Variants in PRRC1 observed in about 807,000 individuals in gnomAD.
PRRC1 encodes proline rich coiled-coil 1, also known as protein PRRC1.
Under a neutral mutation model 40.7 loss-of-function variants are expected in PRRC1, and 39 were observed. The observed-to-expected ratio is 0.96, with a 90% CI of 0.74 to 1.25. The LOEUF (loss-of-function observed/expected upper bound fraction) is 1.25. Ranked by LOEUF, PRRC1 falls within the 50% of genes most tolerant of loss-of-function variation. The pLI, the probability that PRRC1 is intolerant of heterozygous loss-of-function variation, is 0.00. For missense variants in PRRC1, 573 were observed against 548.3 expected, an observed-to-expected ratio of 1.05 and a Z score of -0.45; for synonymous variants, 175 against 193.3, an observed-to-expected ratio of 0.91 and a Z score of 0.79.
intron 7 of PRRC1, among the ~76,000 whole-genome samples, chr5:127,546,533 T>C (rs1289697176): frequency 6.6e-6 from 1 of 152,198 alleles, no homozygotes; most frequent in Non-Finnish European, 1.5e-5. Flanking sequence ...TCCTTTCCTC[T>C]ATAATAATAT....
chr5:127,529,604 T>A (rs1767711452), intron 4 of PRRC1, among the ~76,000 whole-genome samples: 1 of 152,146 alleles, frequency 6.6e-6, no homozygotes, highest in Non-Finnish European at 1.5e-5. Context: ...TCAGATGCCA[T>A]CTCAGGAGGC....
Position 127,554,074 on chromosome 5 carries a change from T to G in PRRC1, c.*2158T>G. 3.2e-6 allele frequency: 2 copies of G among 625,626 alleles called. No individual in the cohort carries two copies. Among genetic ancestry groups the G allele is most frequent in the Non-Finnish European group, 5.1e-6 (2 of 388,374 alleles). 38.8% of individuals were successfully genotyped at this position (625,626 alleles called of 1,614,324 possible). A position where few individuals can be genotyped will look rare whatever the true frequency, so the allele number is the denominator to read the frequency against. ...TTTTGTTTATTTTGTTGTCCTTAGA[T>G]TTCCCTGTTGTAAAAGGGGCAAGAA... On this transcript the variant is annotated 3_prime_UTR_variant, in exon 9 of 9. Coordinates refer to ENST00000296666, the MANE Select transcript of PRRC1 (RefSeq NM_130809.5).
chr5:127,538,013 T>G (rs1767941949), intron 6 of PRRC1, among the ~76,000 whole-genome samples: 3 of 151,984 alleles, frequency 2.0e-5, no homozygotes, highest in Admixed American at 2.0e-4. Context: ...GGTAAGTTCT[T>G]ATTGAACACC....
chr5:127,538,374 G>A (rs1195865835), intron 6 of PRRC1, among the ~76,000 whole-genome samples: 2 of 151,934 alleles, frequency 1.3e-5, no homozygotes, highest in African/African-American at 4.8e-5. Flanking sequence ...TCATCACATT[G>A]TTCATGGTCA....
At chr5:127,526,447 T>G (rs1004981554) in intron 3 of PRRC1, among the ~76,000 whole-genome samples, 171 bp from the exon 4 acceptor site, 2 of 152,242 alleles carry the variant, frequency 1.3e-5, no homozygotes, top group African/African-American at 2.4e-5. Flanking sequence ...ATAAATTTCT[T>G]TTGAAATTCT....
chr5:127,545,334 A>T (rs1246837601), intron 7 of PRRC1, among the ~76,000 whole-genome samples: 1 of 152,100 alleles, frequency 6.6e-6, no homozygotes, highest in Non-Finnish European at 1.5e-5. Context: ...AGACACATGC[A>T]CACATATGTT....
chr5:127,528,927 C>T (rs1426967118), intron 4 of PRRC1, among the ~76,000 whole-genome samples: 2 of 152,064 alleles, frequency 1.3e-5, no homozygotes, highest in Non-Finnish European at 1.5e-5. Context: ...CTGCTGTTTC[C>T]CTGTTCTTGT....
chr5:127,547,803 C>G lies in PRRC1; in HGVS notation c.1026-16C>G. ...TTTGGCATATAAACCATTTGAAACT[C>G]GTAATTCTGTTGCAGATGGTTTGAC... is the stretch of plus-strand genomic sequence containing the variant. On this transcript the variant is annotated splice_polypyrimidine_tract_variant and intron_variant, in intron 7 of 8. Coordinates refer to ENST00000296666, the MANE Select transcript of PRRC1 (RefSeq NM_130809.5). The G allele has an allele frequency of 1.9e-6, 3 of 1,580,940 alleles. No homozygotes were observed. The highest frequency in any genetic ancestry group is 2.6e-6 in the Non-Finnish European group (3 of 1,152,550).
chr5:127,518,681 T>A (rs1580924061), intron 1 of PRRC1, among the ~76,000 whole-genome samples: 1 of 152,290 alleles, frequency 6.6e-6, no homozygotes, highest in East Asian at 1.9e-4. Flanking sequence ...CTTTAAAGTT[T>A]ATCAGAGCTT....
intron 4 of PRRC1, among the ~76,000 whole-genome samples, chr5:127,529,491 A>G (rs1469354724): frequency 6.6e-6 from 1 of 152,148 alleles, no homozygotes; most frequent in Non-Finnish European, 1.5e-5. Context: ...GTTTCAGCAT[A>G]TGGTTGGTTG....
Position 127,524,812 on chromosome 5 carries a change from C to G in PRRC1, c.385C>G (p.Pro129Ala). The G allele has an allele frequency of 6.2e-7, 1 of 1,614,154 alleles. No individual in the cohort carries two copies. ...TLLPAPPSGP[P>A]ISGFSVGSTY... is the part of the protein sequence containing the mutation. ...TTTACCTGCACCCCCTTCGGGTCCT[C>G]CTATATCAGGATTTTCTGTTGGTTC... The change falls in exon 3 of 9, where the codon CCT (proline) becomes GCT (alanine). Residue 129 changes from proline (P) to alanine (A), a missense_variant. Transcript: ENST00000296666.
chr5:127,550,133 C>T (rs452097), intron 8 of PRRC1: 48,370 of 151,608 alleles, frequency 0.32, 7,987 homozygotes, highest in East Asian at 0.55. Context: ...AAAGATAACA[C>T]AGCAAACTGT....
In PRRC1 at chr5:127,533,998, GGAAA is replaced by G. The variant is rs1019775563; in HGVS notation, c.921+217_921+220del. The G allele has an allele frequency of 1.7e-4, 108 of 618,268 alleles. 1 individual carries two copies. The East Asian group carries it at 1.8e-3, about 10-fold the overall frequency. 38.3% of individuals were successfully genotyped at this position (618,268 alleles called of 1,614,324 possible). A position where few individuals can be genotyped will look rare whatever the true frequency, so the allele number is the denominator to read the frequency against. On this transcript the variant is annotated intron_variant, in intron 6 of 8. Transcript: ENST00000296666. ...AGATAGGTTTTGATTATTGTGGGAG[GGAAA>G]GAAACATTGAGAGAGCACAAAAGGA...
chr5:127,537,488 AAAG>A (rs915933452), intron 6 of PRRC1, among the ~76,000 whole-genome samples: 8 of 151,916 alleles, frequency 5.3e-5, no homozygotes, highest in African/African-American at 1.9e-4. Flanking sequence ...TATAAACAAA[AAAG>A]AAATTTGTCT....
intron 7 of PRRC1, among the ~76,000 whole-genome samples, chr5:127,543,982 T>C (rs1312075218): frequency 7.0e-5 from 5 of 70,978 alleles, no homozygotes; most frequent in Non-Finnish European, 1.5e-4. Flanking sequence ...TTCTGCTCTG[T>C]TTTTTCCCCA....
chr5:127,525,581 T>C (rs890170722), intron 3 of PRRC1, among the ~76,000 whole-genome samples: 2 of 152,188 alleles, frequency 1.3e-5, no homozygotes, highest in Non-Finnish European at 2.9e-5. Context: ...CACCAAACTG[T>C]TTTCTAAAGC....
At chr5:127,549,587 C>T (rs1207538914) in intron 8 of PRRC1, 1 of 152,306 alleles carries the variant, frequency 6.6e-6, no homozygotes, top group East Asian at 1.9e-4. Flanking sequence ...AAGCAAACTT[C>T]AGATCTAATA....
intron 2 of PRRC1, 106 bp from the exon 3 acceptor site, chr5:127,524,425 C>A: frequency 9.6e-7 from 1 of 1,045,986 alleles, no homozygotes; most frequent in Non-Finnish European, 1.4e-6. Flanking sequence ...TTGGGATATG[C>A]TTTGGTAAGT....
chr5:127,518,696 C>T (rs945609688), intron 1 of PRRC1, among the ~76,000 whole-genome samples: 2 of 151,332 alleles, frequency 1.3e-5, no homozygotes, highest in Non-Finnish European at 2.9e-5. Context: ...GAGCTTCACT[C>T]TTCCATTTCT....
Sources: gnomAD v4.1 joint callset for allele counts (sites outside exome capture counted in the v4.1 genomes callset) on GRCh38, gnomAD v4.1.1 for gene constraint, MANE v1.5 for transcripts, NCBI Gene and HGNC (gene_info 2026-07-23, HGNC 2026-07-21) for gene names.